Variants in PDE1A observed in about 807,000 individuals in gnomAD.
The protein encoded by PDE1A is dual specificity calcium/calmodulin-dependent 3',5'-cyclic nucleotide phosphodiesterase 1A.
PDE1A carries 35 observed loss-of-function variants against 61.7 expected under a neutral mutation model. The ratio of observed to expected loss-of-function variants is 0.57; its 90% confidence interval spans 0.43 to 0.75. PDE1A has a LOEUF of 0.75. PDE1A is among the 30% of genes least tolerant of loss of function. PDE1A has a pLI of 0.00. For synonymous variants in PDE1A, 232 were observed against 213.2 expected (o/e 1.09, Z -0.77); for missense variants, 597 against 630.6 (o/e 0.95, Z 0.57).
At chr2:182,397,648 G>A (rs538743086) in intron 1 of PDE1A, among the ~76,000 whole-genome samples, 1 of 152,098 alleles carries the variant, frequency 6.6e-6, no homozygotes, top group African/African-American at 2.4e-5. Context: ...GCAATACAAC[G>A]GTGTCTTTTC....
chr2:182,365,886 C>A (rs572655674), intron 1 of PDE1A, among the ~76,000 whole-genome samples: 2 of 151,942 alleles, frequency 1.3e-5, no homozygotes, highest in Non-Finnish European at 2.9e-5. Flanking sequence ...GGCTTTGTAC[C>A]CCACAAACAT....
chr2:182,361,076 G>A (rs906206752), intron 1 of PDE1A, among the ~76,000 whole-genome samples: 1 of 151,984 alleles, frequency 6.6e-6, no homozygotes, highest in Non-Finnish European at 1.5e-5. Context: ...ATTACACACC[G>A]GCCGAAACTA....
chr2:182,522,219 A>C (rs1690611087), intron 2 of PDE1A: 2 of 1,413,336 alleles, frequency 1.4e-6, no homozygotes, highest in Non-Finnish European at 2.0e-6. Flanking sequence ...ACCAACAATT[A>C]GTCACGTTAA....
At chr2:182,562,578 T>G in the PDE1A span, among the ~76,000 whole-genome samples, 2 of 152,186 alleles carry the variant, frequency 1.3e-5, no homozygotes, top group South Asian at 4.2e-4. Flanking sequence ...ATAAAATGAG[T>G]TAGCGAGGAT....
intron 10 of PDE1A, among the ~76,000 whole-genome samples, chr2:182,195,736 G>C (rs903953558): frequency 9.9e-5 from 15 of 152,056 alleles, no homozygotes; most frequent in Non-Finnish European, 2.1e-4. Context: ...CACTGTCCGA[G>C]ATGAAAAACC....
At chr2:182,309,959 A>C (rs1190212481) in intron 1 of PDE1A, among the ~76,000 whole-genome samples, 1 of 152,190 alleles carries the variant, frequency 6.6e-6, no homozygotes, top group African/African-American at 2.4e-5. Flanking sequence ...AATAAAAAAC[A>C]TCAAATTGGT....
chr2:182,687,111 G>A, the PDE1A span, among the ~76,000 whole-genome samples: 2 of 152,238 alleles, frequency 1.3e-5, no homozygotes, highest in African/African-American at 4.8e-5. Flanking sequence ...CTGAGGGCAG[G>A]GCATAGCTGA....
chr2:182,303,608 A>G (rs1370412952), intron 1 of PDE1A, among the ~76,000 whole-genome samples: 7 of 152,176 alleles, frequency 4.6e-5, no homozygotes, highest in Admixed American at 4.6e-4. Context: ...AGTTAAAGTC[A>G]CCAGCTGCAT....
At chr2:182,635,342 A>G in the PDE1A span, among the ~76,000 whole-genome samples, 1 of 151,974 alleles carries the variant, frequency 6.6e-6, no homozygotes, top group South Asian at 2.1e-4. Flanking sequence ...CCCAGTAACA[A>G]TTGTTTATAT....
At chr2:182,297,281 T>C (rs1044895207) in intron 1 of PDE1A, among the ~76,000 whole-genome samples, 2 of 33,598 alleles carry the variant, frequency 6.0e-5, no homozygotes, top group African/African-American at 3.5e-4. Flanking sequence ...ATCTTTCCCA[T>C]TAGTGAAAAA....
chr2:182,688,478 C>T, the PDE1A span, among the ~76,000 whole-genome samples: 66 of 152,174 alleles, frequency 4.3e-4, no homozygotes, highest in Middle Eastern at 3.4e-3. Context: ...AAGCAAATGC[C>T]GAGAGATTTT....
the PDE1A span, among the ~76,000 whole-genome samples, chr2:182,541,695 AC>A: frequency 6.6e-6 from 1 of 152,064 alleles, no homozygotes; most frequent in Non-Finnish European, 1.5e-5. Context: ...CTATTTTAAA[AC>A]CCATTACAGA....
intron 1 of PDE1A, among the ~76,000 whole-genome samples, chr2:182,343,042 T>C (rs1698296522): frequency 6.6e-6 from 1 of 152,214 alleles, no homozygotes. Context: ...CAACTATAAT[T>C]ATGTTTTATA....
chr2:182,438,984 A>G (rs2125668898), intron 2 of PDE1A, among the ~76,000 whole-genome samples: 1 of 152,098 alleles, frequency 6.6e-6, no homozygotes, highest in Non-Finnish European at 1.5e-5. Flanking sequence ...AAGTAAGGCA[A>G]AGGCATTAAT....
chr2:182,596,893 C>A, the PDE1A span, among the ~76,000 whole-genome samples: 3 of 152,172 alleles, frequency 2.0e-5, no homozygotes, highest in Non-Finnish European at 4.4e-5. Flanking sequence ...ATGGCTCATA[C>A]CTGTAATCCT....
intron 11 of PDE1A, among the ~76,000 whole-genome samples, chr2:182,187,737 CTTTTTTT>C (rs1038970569): frequency 0.011 from 732 of 66,412 alleles, 3 homozygotes; most frequent in Non-Finnish European, 0.015. Flanking sequence ...TTTTTTTGTT[CTTTTTTT>C]TTTTTTTTTT....
At chr2:182,146,088 TC>T (rs1423884287), downstream of PDE1A, among the ~76,000 whole-genome samples, 1 of 152,196 alleles carries the variant, frequency 6.6e-6, no homozygotes, top group Non-Finnish European at 1.5e-5. Flanking sequence ...TTAAGACATC[TC>T]CATTGTAAAT....
intron 2 of PDE1A, among the ~76,000 whole-genome samples, chr2:182,436,479 G>T (rs1684420982): frequency 6.6e-6 from 1 of 151,972 alleles, no homozygotes; most frequent in Admixed American, 6.6e-5. Flanking sequence ...CTACTGCATG[G>T]CTCGATACCA....
the PDE1A span, among the ~76,000 whole-genome samples, chr2:182,662,444 C>T: frequency 2.6e-5 from 4 of 151,838 alleles, no homozygotes; most frequent in Admixed American, 2.0e-4. Context: ...AACTATTCTA[C>T]AGGGCTACAG....
Sources: gnomAD v4.1 joint callset for allele counts (sites outside exome capture counted in the v4.1 genomes callset) on GRCh38, gnomAD v4.1.1 for gene constraint, MANE v1.5 for transcripts, NCBI Gene and HGNC (gene_info 2026-07-23, HGNC 2026-07-21) for gene names.